ZBTB1: variants seen among roughly 807,000 people sequenced by gnomAD.
ZBTB1 encodes zinc finger and BTB domain-containing protein 1.
In ZBTB1, 13 loss-of-function variants were observed where a neutral mutation model predicts 51.6. That is an observed-to-expected ratio of 0.25 (90% CI 0.16 to 0.40). The LOEUF (loss-of-function observed/expected upper bound fraction) is 0.40, where lower values mean the gene tolerates loss of function less well. ZBTB1 is among the 10% of genes least tolerant of loss of function. ZBTB1 has a pLI of 1.00. For synonymous variants in ZBTB1, 240 were observed against 282.2 expected (o/e 0.85, Z 1.50); for missense variants, 567 against 856.5 (o/e 0.66, Z 4.22).
Position 64,521,850 on chromosome 14 carries a change from A to G in ZBTB1, c.346A>G (p.Ile116Val). ...CAATGTTCCTGACTGTTTAGAAGAC[A>G]TCCAGGATGCAGATTGTTCTAGTTC... ...LYNVPDCLED[I>V]QDADCSSSKC... The change falls in exon 2 of 2, where the codon ATC becomes GTC. Residue 116 changes from isoleucine to valine, a missense_variant. By Grantham distance (29) the Ile-to-Val change is conservative. Transcript: ENST00000683701. 1 of 1,612,750 alleles carries G rather than the reference A, an allele frequency of 6.2e-7. No individual in the cohort carries two copies. Among genetic ancestry groups the G allele is most frequent in the African/African-American group, 1.3e-5 (1 of 75,066 alleles).
chr14:64,507,299 G>A (rs1420267192), intron 1 of ZBTB1, among the ~76,000 whole-genome samples: 1 of 152,134 alleles, frequency 6.6e-6, no homozygotes, highest in East Asian at 1.9e-4. Context: ...TGCTAAAATG[G>A]TGAAATTATT....
intron 1 of ZBTB1, chr14:64,514,199 C>T (rs2079755999): frequency 6.6e-6 from 1 of 152,180 alleles, no homozygotes. Context: ...TGCATACATA[C>T]ATTCAACCTA....
chr14:64,509,873 A>G (rs2079706080), intron 1 of ZBTB1, among the ~76,000 whole-genome samples: 1 of 151,646 alleles, frequency 6.6e-6, no homozygotes, highest in Non-Finnish European at 1.5e-5. Flanking sequence ...GCTACTCTGG[A>G]GGCTGAGGCA....
Position 64,523,529 on chromosome 14 carries a change from A to G in ZBTB1, c.2025A>G (p.Glu675=). The change falls in exon 2 of 2, where the codon GAA becomes GAG. Residue 675 remains glutamate, a synonymous_variant. Transcript: ENST00000683701. This position sits in a 1 kb window ranked among gnomAD's most constrained non-coding sequence, Gnocchi z 4.5. ...QVCFQIFPNN[E]QLEQHMDVHL... ...GCTTTCAGATATTCCCAAATAATGAACAGTTGGAGCAGCACATGGATGTTC... is the reference window on the plus strand; with the variant it reads ...GCTTTCAGATATTCCCAAATAATGAGCAGTTGGAGCAGCACATGGATGTTC... The G allele has an allele frequency of 6.3e-7, 1 of 1,588,630 alleles. No individual in the cohort carries two copies. Among genetic ancestry groups the G allele is most frequent in the Non-Finnish European group, 8.6e-7 (1 of 1,166,688 alleles).
chr14:64,504,652 G>A, upstream of ZBTB1: 3 of 340,212 alleles, frequency 8.8e-6, no homozygotes, highest in Non-Finnish European at 1.1e-5. Context: ...CGGGCGAGAG[G>A]GAGGGGAAGG....
At chr14:64,530,819 T>C (rs1465853821) in intron 2 of ZBTB1, among the ~76,000 whole-genome samples, 1 of 152,178 alleles carries the variant, frequency 6.6e-6, no homozygotes, top group East Asian at 1.9e-4. Flanking sequence ...AAAGCCATTA[T>C]AATTTCTCAT....
At position 64,523,183 on chromosome 14, in the gene ZBTB1, A is replaced by G; in HGVS notation, c.1679A>G (p.Asp560Gly). ...VEHMSSCLDQ[D>G]MFKSAIMEEN... Reference sequence around the variant, plus strand: ...CATATGTCTAGCTGCTTAGATCAAGATATGTTTAAGAGTGCCATCATGGAA... The same window carrying G: ...CATATGTCTAGCTGCTTAGATCAAGGTATGTTTAAGAGTGCCATCATGGAA... Residue 560 changes from aspartate (D) to glycine (G), a missense_variant, in exon 2 of 2, where the codon GAT becomes GGT. Around this residue, in one of 5 missense-constraint regions of ZBTB1, gnomAD observed 329 missense variants for 406.3 expected, o/e 0.81. Coordinates refer to ENST00000683701, the MANE Select transcript of ZBTB1 (RefSeq NM_001123329.2). The surrounding 1 kb of genome is among the most constrained non-coding windows in gnomAD (Gnocchi z 4.5). 4 of 1,614,190 alleles carry G rather than the reference A, an allele frequency of 2.5e-6. No homozygotes were observed. The highest frequency in any genetic ancestry group is 3.4e-6 in the Non-Finnish European group (4 of 1,180,028).
Position 64,522,793 on chromosome 14 carries a change from T to G in ZBTB1, c.1289T>G (p.Ile430Arg). Residue 430 changes from isoleucine (I) to arginine (R), a missense_variant, in exon 2 of 2, where the codon ATA becomes AGA. Coordinates refer to ENST00000683701, the MANE Select transcript of ZBTB1 (RefSeq NM_001123329.2). ...NASCELCGLT[I>R]TEEDLSSHYL... ...TCTTGTGAGCTGTGTGGACTTACAA[T>G]AACCGAGGAGGACCTGTCATCTCAT... 6.2e-7 allele frequency: 1 copy of G among 1,614,204 alleles called. No individual in the cohort carries two copies. Among genetic ancestry groups the G allele is most frequent in the Non-Finnish European group, 8.5e-7 (1 of 1,180,028 alleles).
intron 1 of ZBTB1, among the ~76,000 whole-genome samples, chr14:64,520,730 A>G (rs899349531): frequency 6.6e-6 from 1 of 152,240 alleles, no homozygotes; most frequent in African/African-American, 2.4e-5. Flanking sequence ...TCTCACACTT[A>G]AAAAATGAGC....
intron 1 of ZBTB1, among the ~76,000 whole-genome samples, chr14:64,505,956 A>G (rs1174635877): frequency 6.6e-6 from 1 of 152,228 alleles, no homozygotes; most frequent in African/African-American, 2.4e-5. Flanking sequence ...ATGTCTCTGA[A>G]GCAGATTTGG....
rs150032061 is a variant in ZBTB1, at chr14:64,521,838, T to C, written c.334T>C (p.Cys112Arg). The change falls in exon 2 of 2, where the codon TGT (cysteine) becomes CGT (arginine). Residue 112 changes from cysteine (C) to arginine (R), a missense_variant. This residue lies in a region of ZBTB1 where 69 missense variants were observed against 136.4 expected (regional missense o/e 0.51). Coordinates refer to ENST00000683701, the MANE Select transcript of ZBTB1 (RefSeq NM_001123329.2). ...CCTACAGCTATACAATGTTCCTGAC[T>C]GTTTAGAAGACATCCAGGATGCAGA... ...NYLQLYNVPD[C>R]LEDIQDADCS... The C allele has an allele frequency of 6.2e-7, 1 of 1,612,222 alleles. No homozygotes were observed. Among genetic ancestry groups the C allele is most frequent in the Non-Finnish European group, 8.5e-7 (1 of 1,180,046 alleles).
At chr14:64,504,325 G>A (rs1350730009), upstream of ZBTB1, among the ~76,000 whole-genome samples, 1 of 151,828 alleles carries the variant, frequency 6.6e-6, no homozygotes, top group African/African-American at 2.4e-5. Context: ...CGGAGCACTC[G>A]AGGCGGACCG....
chr14:64,520,009 G>C (rs1439273013), intron 1 of ZBTB1, among the ~76,000 whole-genome samples: 1 of 151,816 alleles, frequency 6.6e-6, no homozygotes, highest in Non-Finnish European at 1.5e-5. Flanking sequence ...TGTTGTTGTT[G>C]TTGTTGTTTT....
downstream of ZBTB1, among the ~76,000 whole-genome samples, chr14:64,527,317 A>C (rs2079910811): frequency 6.6e-6 from 1 of 151,992 alleles, no homozygotes; most frequent in Non-Finnish European, 1.5e-5. Flanking sequence ...TCTACTAAAA[A>C]TACAAAAGTT....
At chr14:64,504,290 A>G (rs1040088917), upstream of ZBTB1, among the ~76,000 whole-genome samples, 1 of 151,840 alleles carries the variant, frequency 6.6e-6, no homozygotes, top group Non-Finnish European at 1.5e-5. Context: ...GGCGACCCTG[A>G]ACCGACGGGG....
At position 64,521,696 on chromosome 14, in the gene ZBTB1, T is replaced by C. The variant is rs995372540; in HGVS notation, c.192T>C (p.Asn64=). ...ATCAGCATAGTACTGCACAACTGAA[T>C]CTCAGCAACATGAAAATTAGTGCAG... ...MNHQHSTAQL[N]LSNMKISAEC... is the part of the protein sequence containing the mutation. Residue 64 remains asparagine (N), a synonymous_variant, in exon 2 of 2, where the codon AAT becomes AAC. Coordinates refer to ENST00000683701, the MANE Select transcript of ZBTB1 (RefSeq NM_001123329.2). The C allele has an allele frequency of 6.2e-7, 1 of 1,614,048 alleles. No individual in the cohort carries two copies. The highest frequency in any genetic ancestry group is 1.1e-5 in the South Asian group (1 of 91,092).
rs1211604495 is a variant in ZBTB1, at chr14:64,523,761, GC to G, written c.*118del. ...TGATTTGTTAGAAACAAATTTCAAG[GC>G]CCTTTTAACTTTAATATTTTTGTTT... On this transcript the variant is annotated 3_prime_UTR_variant, in exon 2 of 2. Transcript: ENST00000683701. The surrounding 1 kb of genome is among the most constrained non-coding windows in gnomAD (Gnocchi z 4.5). The G allele has an allele frequency of 8.1e-6, 11 of 1,359,580 alleles. No individual in the cohort carries two copies. The African/African-American group carries it at 1.6e-4, about 20-fold the overall frequency. 84.2% of individuals were successfully genotyped at this position (1,359,580 alleles called of 1,614,324 possible).
intron 1 of ZBTB1, among the ~76,000 whole-genome samples, chr14:64,517,781 A>ATATATATATATATTTT (rs1160337478): frequency 9.6e-5 from 4 of 41,562 alleles, no homozygotes; most frequent in East Asian, 1.6e-3. Flanking sequence ...ATATATATAT[A>ATATATATATATATTTT]TTTTTTTTTT....
downstream of ZBTB1, among the ~76,000 whole-genome samples, chr14:64,526,627 C>T (rs188853474): frequency 4.9e-4 from 74 of 152,302 alleles, no homozygotes; most frequent in South Asian, 1.9e-3. Flanking sequence ...ATACAACTTG[C>T]ATGTTCTACG....
Sources: allele counts gnomAD v4.1 joint callset (sites outside exome capture counted in the v4.1 genomes callset), GRCh38; gene constraint gnomAD v4.1.1; regional missense constraint gnomAD v4.1.1; non-coding constraint Gnocchi (gnomAD v3.1); transcripts MANE v1.5; gene names NCBI Gene and HGNC (gene_info 2026-07-23, HGNC 2026-07-21).